Variants in AGMO observed in about 807,000 individuals in gnomAD.
The protein encoded by AGMO is alkylglycerol monooxygenase.
In AGMO, 75 loss-of-function variants were observed where a neutral mutation model predicts 60.2. That is an observed-to-expected ratio of 1.25 (90% CI 1.03 to 1.51). AGMO has a LOEUF of 1.51. Ranked by LOEUF, AGMO falls within the 40% of genes most tolerant of loss-of-function variation. The pLI, the probability that AGMO is intolerant of heterozygous loss-of-function variation, is 0.00. For missense variants in AGMO, 763 were observed against 525.5 expected (o/e 1.45, Z -4.42); for synonymous variants, 261 against 177.1 (o/e 1.47, Z -3.76).
intron 3 of AGMO, among the ~76,000 whole-genome samples, chr7:15,476,857 T>A (rs76361696): frequency 0.1 from 15,325 of 152,182 alleles, 1,025 homozygotes; most frequent in Non-Finnish European, 0.15. Flanking sequence ...TTTATTATTT[T>A]ATGGATGAGG....
intron 8 of AGMO, among the ~76,000 whole-genome samples, chr7:15,390,193 G>A (rs1248027204): frequency 6.6e-6 from 1 of 151,834 alleles, no homozygotes; most frequent in East Asian, 1.9e-4. Flanking sequence ...AGTCCAACAA[G>A]TCTTAGCAAG....
At chr7:15,395,407 A>G (rs1784331934) in intron 5 of AGMO, among the ~76,000 whole-genome samples, 2 of 152,214 alleles carry the variant, frequency 1.3e-5, no homozygotes, top group African/African-American at 4.8e-5. Flanking sequence ...ATCGATTTGA[A>G]CAAACCTAAC....
At chr7:15,135,001 A>C in the AGMO span, among the ~76,000 whole-genome samples, 16 of 152,194 alleles carry the variant, frequency 1.1e-4, no homozygotes, top group Admixed American at 5.2e-4. Context: ...TATTAAAAAA[A>C]CTAAATTACT....
chr7:15,321,219 T>C (rs551286316), intron 12 of AGMO, among the ~76,000 whole-genome samples: 1 of 152,272 alleles, frequency 6.6e-6, no homozygotes, highest in Non-Finnish European at 1.5e-5. Context: ...TGAACATTCA[T>C]ACACTTTTCT....
At chr7:15,466,039 A>G (rs529409709) in intron 3 of AGMO, among the ~76,000 whole-genome samples, 1 of 152,322 alleles carries the variant, frequency 6.6e-6, no homozygotes, top group South Asian at 2.1e-4. Flanking sequence ...GGGGTACAAA[A>G]GTGAATAAAA....
At chr7:15,194,501 A>G in the AGMO span, among the ~76,000 whole-genome samples, 32 of 152,298 alleles carry the variant, frequency 2.1e-4, no homozygotes, top group African/African-American at 7.2e-4. Context: ...TTGAGCATGA[A>G]TATCTTAAAA....
rs189140297 is a variant in AGMO, at chr7:15,263,734, G to A, written c.1264-62375C>T. 6.6e-5 allele frequency among the ~76,000 whole-genome samples: 10 copies of A among 152,146 alleles called. No homozygotes were observed. In the East Asian group the frequency reaches 9.6e-4, roughly 15 times the overall value. On this transcript the variant is annotated intron_variant, in intron 12 of 12. Transcript: ENST00000342526. ...ATACCATGGAACACTACTCAGCCAC[G>A]AAAAAGGAATGAAATAATGGTATTT...
At chr7:15,173,800 GGTTT>G in the AGMO span, among the ~76,000 whole-genome samples, 1 of 150,870 alleles carries the variant, frequency 6.6e-6, no homozygotes, top group African/African-American at 2.4e-5. Flanking sequence ...TTTAAAGAAA[GGTTT>G]TTTTTTTGGT....
At chr7:15,551,102 T>C (rs1169385466) in intron 2 of AGMO, among the ~76,000 whole-genome samples, 1 of 152,124 alleles carries the variant, frequency 6.6e-6, no homozygotes, top group Non-Finnish European at 1.5e-5. Flanking sequence ...GAAAAGCCTT[T>C]GACAAAATTC....
chr7:15,392,461 G>C (rs924646185), intron 6 of AGMO, among the ~76,000 whole-genome samples: 1 of 151,952 alleles, frequency 6.6e-6, no homozygotes, highest in African/African-American at 2.4e-5. Flanking sequence ...CTTATGGAGT[G>C]GTTATGTCCC....
At chr7:15,540,542 T>A (rs1379515809) in intron 3 of AGMO, among the ~76,000 whole-genome samples, 3 of 152,138 alleles carry the variant, frequency 2.0e-5, no homozygotes. Flanking sequence ...TAGCATCAAG[T>A]GAGCTGGCAA....
rs1019275079 is a variant in AGMO at position 15,224,377 on chromosome 7, G to A, written c.1264-23018C>T. On this transcript the variant is annotated intron_variant, in intron 12 of 12. Coordinates refer to ENST00000342526, the MANE Select transcript of AGMO (RefSeq NM_001004320.2). ...TAGAAAGCTCGTGAATGGGATGAATGTACTTATAGAAAGAGATAAGAGAAA... is the reference window on the plus strand; with the variant it reads ...TAGAAAGCTCGTGAATGGGATGAATATACTTATAGAAAGAGATAAGAGAAA... Among the ~76,000 whole-genome samples the A allele has an allele frequency of 2.6e-5, 4 of 151,886 alleles. No individual in the cohort carries two copies. The South Asian group carries it at 8.3e-4, about 31-fold the overall frequency.
intron 12 of AGMO, among the ~76,000 whole-genome samples, chr7:15,290,074 G>C (rs1193210836): frequency 6.7e-6 from 1 of 148,832 alleles, no homozygotes; most frequent in East Asian, 2.0e-4. Context: ...CCCGTTGCCA[G>C]GCTGGAGTGC....
intron 12 of AGMO, among the ~76,000 whole-genome samples, chr7:15,293,031 G>A (rs1438273137): frequency 1.3e-5 from 2 of 151,920 alleles, no homozygotes; most frequent in East Asian, 3.9e-4. Flanking sequence ...CCAAAGTGCT[G>A]GGATTACAAG....
intron 10 of AGMO, among the ~76,000 whole-genome samples, chr7:15,375,122 T>A (rs1783394574): frequency 1.3e-5 from 2 of 152,080 alleles, no homozygotes; most frequent in African/African-American, 4.8e-5. Context: ...AGAAAGATCC[T>A]ACAACAGTTG....
chr7:15,546,038 T>C (rs1338810389), intron 2 of AGMO, among the ~76,000 whole-genome samples: 1 of 152,128 alleles, frequency 6.6e-6, no homozygotes, highest in African/African-American at 2.4e-5. Flanking sequence ...ATTTTTACAG[T>C]ATTTCCCTTC....
chr7:15,519,430 A>G (rs935976622), intron 3 of AGMO, among the ~76,000 whole-genome samples: 5 of 152,176 alleles, frequency 3.3e-5, no homozygotes, highest in African/African-American at 1.2e-4. Context: ...ACCCACAAAG[A>G]GAAGCCCAAC....
intron 5 of AGMO, among the ~76,000 whole-genome samples, chr7:15,404,986 T>C (rs375758194): frequency 6.6e-6 from 1 of 151,882 alleles, no homozygotes; most frequent in African/African-American, 2.4e-5. Flanking sequence ...TCAAATATTA[T>C]ATAATACATT....
intron 3 of AGMO, among the ~76,000 whole-genome samples, chr7:15,532,655 T>C (rs7792511): frequency 0.034 from 5,199 of 152,184 alleles, 294 homozygotes; most frequent in African/African-American, 0.12. Context: ...TTGAGTTCTT[T>C]AGGATTTGAA....
Sources: gnomAD v4.1 joint callset for allele counts (sites outside exome capture counted in the v4.1 genomes callset) on GRCh38, gnomAD v4.1.1 for gene constraint, MANE v1.5 for transcripts, NCBI Gene and HGNC (gene_info 2026-07-23, HGNC 2026-07-21) for gene names.